The following ZW10 variants were observed in gnomAD, a reference collection of about 807,000 sequenced individuals.
ZW10 encodes the protein zw10 kinetochore protein.
ZW10 carries 53 observed loss-of-function variants against 87.8 expected under a neutral mutation model. The observed-to-expected ratio is 0.60, with a 90% CI of 0.48 to 0.76. The LOEUF (loss-of-function observed/expected upper bound fraction) is 0.76, where lower values mean the gene tolerates loss of function less well. ZW10 is among the 30% of genes least tolerant of loss of function. ZW10 has a pLI of 0.00. For synonymous variants in ZW10, 312 were observed against 329.2 expected (o/e 0.95, Z 0.57); for missense variants, 837 against 923.0 (o/e 0.91, Z 1.21).
intron 1 of ZW10, 49 bp from the exon 2 acceptor site, chr11:113,769,016 A>G: frequency 6.3e-7 from 1 of 1,578,052 alleles, no homozygotes; most frequent in Non-Finnish European, 8.7e-7. Context: ...ATGAGTAGAG[A>G]ACTCTAATAA....
Position 113,758,633 on chromosome 11 carries a change from C to T in ZW10, c.654G>A (p.Lys218=). The T allele has an allele frequency of 1.2e-6, 2 of 1,614,028 alleles. No homozygotes were observed. Among genetic ancestry groups the T allele is most frequent in the Non-Finnish European group, 1.7e-6 (2 of 1,179,938 alleles). Residue 218 remains lysine (K), a synonymous_variant, in exon 6 of 16, where the codon AAG becomes AAA. Transcript: ENST00000200135. ...CAGAACTGATGGGTGGCATAGGGGT[C>T]TTCTCCTCTTTGTGCGATTGTTCAG... ...LYTEQSHKEE[K]TPMPPISSVL...
chr11:113,738,329 C>A lies in ZW10; in HGVS notation c.1819G>T (p.Ala607Ser). Residue 607 changes from alanine to serine, a missense_variant, in exon 13 of 16, where the codon GCT becomes TCT. By Grantham distance (99) the Ala-to-Ser change is moderately conservative. Coordinates refer to ENST00000200135, the MANE Select transcript of ZW10 (RefSeq NM_004724.4). ...KGELLERLSS[A>S]RNFSNMDDEE... is the part of the protein sequence containing the mutation. The stretch of plus-strand genomic sequence containing the variant: ...TCGTCCATATTTGAAAAGTTCCTAG[C>A]ACTTGATAATCTTTCCAGAAGTTCA... 1 of 1,613,470 alleles carries A rather than the reference C, an allele frequency of 6.2e-7. No homozygotes were observed. The highest frequency in any genetic ancestry group is 8.5e-7 in the Non-Finnish European group (1 of 1,179,736).
At chr11:113,746,466 G>C (rs1953676693) in intron 9 of ZW10, among the ~76,000 whole-genome samples, 1 of 136,958 alleles carries the variant, frequency 7.3e-6, no homozygotes. Context: ...TTTTCTTAGT[G>C]CTGGAGATAT....
At chr11:113,739,839 A>G (rs534553606) in intron 11 of ZW10, among the ~76,000 whole-genome samples, 25 of 152,334 alleles carry the variant, frequency 1.6e-4, no homozygotes, top group African/African-American at 5.8e-4. Flanking sequence ...GGGAATTTTA[A>G]AAAACCACAG....
chr11:113,736,702 C>G lies in ZW10; in HGVS notation c.2137G>C (p.Val713Leu). Residue 713 changes from valine to leucine, a missense_variant, in exon 15 of 16, where the codon GTT becomes CTT. Val to Leu is a conservative substitution (Grantham distance 32, BLOSUM62 1). Transcript: ENST00000200135. ...ESKNKKYQEEVPVYVPKWMPF... is the reference protein window; with the variant it reads ...ESKNKKYQEELPVYVPKWMPF... Reference sequence around the variant, plus strand: ...ATCCATTTTGGCACATAGACTGGAACCTCTTCTTGATATTTCTTGTTCTTG... The same window carrying G: ...ATCCATTTTGGCACATAGACTGGAAGCTCTTCTTGATATTTCTTGTTCTTG... 6.2e-7 allele frequency: 1 copy of G among 1,614,168 alleles called. No homozygotes were observed. Among genetic ancestry groups the G allele is most frequent in the Non-Finnish European group, 8.5e-7 (1 of 1,180,030 alleles).
chr11:113,736,023 G>A (rs1298148233), intron 15 of ZW10, among the ~76,000 whole-genome samples: 1 of 151,928 alleles, frequency 6.6e-6, no homozygotes, highest in African/African-American at 2.4e-5. Flanking sequence ...TAGCACTTTG[G>A]GAGGCCAGGA....
At chr11:113,748,640 A>G (rs1427189267) in intron 7 of ZW10, among the ~76,000 whole-genome samples, 2 of 152,138 alleles carry the variant, frequency 1.3e-5, no homozygotes, top group Non-Finnish European at 2.9e-5. Context: ...TACTGTCTGT[A>G]CTCTGTAACA....
intron 7 of ZW10, among the ~76,000 whole-genome samples, chr11:113,751,853 G>C (rs1192359538): frequency 6.6e-6 from 1 of 151,460 alleles, no homozygotes; most frequent in Non-Finnish European, 1.5e-5. Flanking sequence ...CTGGGCGACA[G>C]AGCGAGACTC....
At chr11:113,736,097 T>C (rs1263763211) in intron 15 of ZW10, among the ~76,000 whole-genome samples, 1 of 151,526 alleles carries the variant, frequency 6.6e-6, no homozygotes, top group Non-Finnish European at 1.5e-5. Flanking sequence ...AACAAATAAA[T>C]AATAAATAAA....
At chr11:113,742,730 A>G (rs1453492489) in intron 10 of ZW10, among the ~76,000 whole-genome samples, 1 of 152,202 alleles carries the variant, frequency 6.6e-6, no homozygotes, top group Non-Finnish European at 1.5e-5. Context: ...ACAGTCCTAT[A>G]TTCATTTTGC....
At chr11:113,757,386 G>C (rs1460171097) in intron 7 of ZW10, among the ~76,000 whole-genome samples, 2 of 152,184 alleles carry the variant, frequency 1.3e-5, no homozygotes, top group African/African-American at 2.4e-5. Flanking sequence ...TGGGAGTCCA[G>C]TGAGAGAAGT....
chr11:113,763,826 G>A (rs555726815), intron 2 of ZW10, among the ~76,000 whole-genome samples: 27 of 152,292 alleles, frequency 1.8e-4, no homozygotes, highest in Middle Eastern at 3.4e-3. Flanking sequence ...TCACTCTGAT[G>A]ATGGTTTCTT....
intron 15 of ZW10, among the ~76,000 whole-genome samples, chr11:113,735,797 C>T (rs560376243): frequency 1.3e-5 from 2 of 150,728 alleles, no homozygotes; most frequent in Admixed American, 1.3e-4. Context: ...TGAGAGAAAA[C>T]ATCATCCACT....
At chr11:113,759,788 T>C (rs1031098596) in intron 5 of ZW10, among the ~76,000 whole-genome samples, 4 of 152,198 alleles carry the variant, frequency 2.6e-5, no homozygotes, top group Admixed American at 1.3e-4. Flanking sequence ...TCTTCTTTCC[T>C]AAGCAAGAGA....
chr11:113,736,594 T>TGCCTCTATAGAAGGGTTATAC, intron 15 of ZW10, 26 bp downstream of exon 15: 1 of 1,610,102 alleles, frequency 6.2e-7, no homozygotes, highest in Non-Finnish European at 8.5e-7. Context: ...GAGAGTTATA[T>TGCCTCTATAGAAGGGTTATAC]GCCTCTATAG....
chr11:113,754,866 C>T (rs1237092030), intron 7 of ZW10, among the ~76,000 whole-genome samples: 1 of 152,108 alleles, frequency 6.6e-6, no homozygotes, highest in Non-Finnish European at 1.5e-5. Flanking sequence ...TACCCAAATT[C>T]CTGGCCTCAA....
chr11:113,762,044 C>T lies in ZW10; in HGVS notation c.241-1126G>A, dbSNP rs1252043323. On this transcript the variant is annotated intron_variant, in intron 2 of 15. Coordinates refer to ENST00000200135, the MANE Select transcript of ZW10 (RefSeq NM_004724.4). ...CCAAAGCAAATATTACTAGTACAGT[C>T]GTGTGTCACTAACAATGGGGACGCA... Among the ~76,000 whole-genome samples, 8 of 152,280 alleles carry T rather than the reference C, an allele frequency of 5.3e-5. No homozygotes were observed. In the East Asian group the frequency reaches 5.8e-4, roughly 11 times the overall value.
intron 2 of ZW10, among the ~76,000 whole-genome samples, chr11:113,764,307 T>C (rs1953891068): frequency 6.6e-6 from 1 of 152,186 alleles, no homozygotes; most frequent in Non-Finnish European, 1.5e-5. Context: ...TGACCCCAGC[T>C]TTGTTCTTTT....
rs563012502 is a variant in ZW10 at position 113,751,059 on chromosome 11, G to A, written c.926-2639C>T. 12 of 161,352 alleles carry A rather than the reference G, an allele frequency of 7.4e-5. No homozygotes were observed. In the South Asian group the frequency reaches 1.9e-3, roughly 25 times the overall value. The allele number at this position is 161,352 out of a possible 1,614,324, so 10.0% of individuals were successfully genotyped here. The stretch of plus-strand genomic sequence containing the variant: ...TTAGTGTTTATTTTATGCACAAAGA[G>A]CCATCGTGGTTTTTTATTAGGTAGA... On this transcript the variant is annotated intron_variant, in intron 7 of 15. Transcript: ENST00000200135.
Sources: gnomAD v4.1 joint callset for allele counts (sites outside exome capture counted in the v4.1 genomes callset) on GRCh38, gnomAD v4.1.1 for gene constraint, MANE v1.5 for transcripts, NCBI Gene and HGNC (gene_info 2026-07-23, HGNC 2026-07-21) for gene names.